ZNF676: variants seen among roughly 807,000 people sequenced by gnomAD.
ZNF676 encodes zinc finger protein 676.
Under a neutral mutation model 6.0 loss-of-function variants are expected in ZNF676, and 4 were observed. The observed-to-expected ratio is 0.67, with a 90% CI of 0.33 to 1.53. ZNF676 has a LOEUF of 1.53. ZNF676 is among the 40% of genes most tolerant of loss of function. The pLI is 0.06. For missense variants in ZNF676, 644 were observed against 679.7 expected, an observed-to-expected ratio of 0.95 and a Z score of 0.58; for synonymous variants, 198 against 223.1, an observed-to-expected ratio of 0.89 and a Z score of 1.00.
At chr19:22,222,858 A>G in the ZNF676 span, among the ~76,000 whole-genome samples, 11 of 152,192 alleles carry the variant, frequency 7.2e-5, 1 homozygote, top group Admixed American at 5.9e-4. Flanking sequence ...TCATCTGTAG[A>G]GCAGACACTA....
chr19:22,219,503 A>AT (rs1440633125), upstream of ZNF676, among the ~76,000 whole-genome samples: 3 of 152,010 alleles, frequency 2.0e-5, no homozygotes, highest in African/African-American at 7.2e-5. Context: ...GATTCTGTTT[A>AT]TTTTTTGCTT....
At chr19:22,209,581 C>T (rs2024110332) in intron 1 of ZNF676, among the ~76,000 whole-genome samples, 1 of 152,098 alleles carries the variant, frequency 6.6e-6, no homozygotes, top group South Asian at 2.1e-4. Context: ...AATCTCCACA[C>T]CAAACTCCCA....
chr19:22,234,481 T>C, the ZNF676 span, among the ~76,000 whole-genome samples: 46 of 152,142 alleles, frequency 3.0e-4, no homozygotes, highest in Non-Finnish European at 5.1e-4. Flanking sequence ...GTTAGATGGG[T>C]CAGAAAGCAC....
At chr19:22,208,304 T>A (rs2024096281) in intron 1 of ZNF676, among the ~76,000 whole-genome samples, 1 of 150,088 alleles carries the variant, frequency 6.7e-6, no homozygotes, top group South Asian at 2.1e-4. Flanking sequence ...AAAAAGATGT[T>A]TGTCTTCAAA....
At chr19:22,228,562 A>G in the ZNF676 span, among the ~76,000 whole-genome samples, 1 of 152,192 alleles carries the variant, frequency 6.6e-6, no homozygotes, top group Non-Finnish European at 1.5e-5. Flanking sequence ...AGGAAGTCAA[A>G]TTGTCTCTGT....
the ZNF676 span, among the ~76,000 whole-genome samples, chr19:22,230,287 G>C: frequency 6.6e-6 from 1 of 152,144 alleles, no homozygotes; most frequent in East Asian, 1.9e-4. Flanking sequence ...TCATAAGTGG[G>C]AGTTGAACAA....
intron 2 of ZNF676, among the ~76,000 whole-genome samples, chr19:22,189,033 A>AT (rs2023872353): frequency 1.3e-5 from 2 of 151,850 alleles, no homozygotes; most frequent in South Asian, 4.2e-4. Context: ...CAAAAAAAAA[A>AT]TCTCACATGG....
the ZNF676 span, among the ~76,000 whole-genome samples, chr19:22,222,243 T>C: frequency 6.6e-6 from 1 of 152,122 alleles, no homozygotes; most frequent in Non-Finnish European, 1.5e-5. Flanking sequence ...TAGCTGGGAC[T>C]GCAGGCACCT....
chr19:22,181,441 G>A lies in ZNF676; in HGVS notation c.276C>T (p.Asn92=), dbSNP rs199571340. ...KISCTNVDEC[N]VHKEGYNKLN... is the part of the protein sequence containing the mutation. ...GTTTATTATAACCTTCTTTGTGCAC[G>A]TTACACTCATCCACATTGGTACAAC... The change falls in exon 3 of 3, where the codon AAC becomes AAT. Residue 92 remains asparagine, a synonymous_variant. Transcript: ENST00000397121. The A allele has an allele frequency of 7.6e-5, 122 of 1,613,474 alleles. No individual in the cohort carries two copies. Among genetic ancestry groups the A allele is most frequent in the Middle Eastern group, 1.6e-4 (1 of 6,074 alleles).
rs750862652 is a variant in ZNF676 at position 22,183,343 on chromosome 19, A to AT, written c.131-1758dup. ...ACAGAATTTTAATAGATTTATTAAC[A>AT]TTTTTTCTTTTGAGACAAAGTTTTA... On this transcript the variant is annotated intron_variant, in intron 2 of 2. Transcript: ENST00000397121. 3.9e-5 allele frequency among the ~76,000 whole-genome samples: 6 copies of AT among 152,100 alleles called. No homozygotes were observed. In the South Asian group the frequency reaches 1.0e-3, roughly 26 times the overall value.
At chr19:22,202,022 C>T (rs2024030950) in intron 1 of ZNF676, among the ~76,000 whole-genome samples, 1 of 152,072 alleles carries the variant, frequency 6.6e-6, no homozygotes, top group Non-Finnish European at 1.5e-5. Context: ...AAAGGACTTG[C>T]ATTCCTCAGA....
At chr19:22,206,122 CA>C (rs2024074124) in intron 1 of ZNF676, among the ~76,000 whole-genome samples, 1 of 150,810 alleles carries the variant, frequency 6.6e-6, no homozygotes, top group Non-Finnish European at 1.5e-5. Context: ...TAGATAAGCT[CA>C]AAAAACTGAA....
At chr19:22,197,441 A>G (rs912884654), upstream of ZNF676, among the ~76,000 whole-genome samples, 5 of 151,302 alleles carry the variant, frequency 3.3e-5, 1 homozygote, top group Non-Finnish European at 7.4e-5. Context: ...AATGTGTGCA[A>G]TAAGCTAGAG....
rs2024174402 is a variant in ZNF676, at chr19:22,215,425, A to G, written c.3+207T>C. On this transcript the variant is annotated intron_variant, in intron 1 of 3. Transcript: ENST00000650058. Reference sequence around the variant, plus strand: ...AGCTGCCCCAAGAGGGCTCCAGGCCAGGGCACAATCACAGCGCAGGGAAGA... The same window carrying G: ...AGCTGCCCCAAGAGGGCTCCAGGCCGGGGCACAATCACAGCGCAGGGAAGA... 2.0e-5 allele frequency among the ~76,000 whole-genome samples: 3 copies of G among 152,306 alleles called. No individual in the cohort carries two copies. The South Asian group carries it at 6.2e-4, about 32-fold the overall frequency.
chr19:22,243,841 T>G, the ZNF676 span: 1 of 152,216 alleles, frequency 6.6e-6, no homozygotes, highest in Non-Finnish European at 1.5e-5. Context: ...ATTCCAACTT[T>G]GAACTGTGTC....
the ZNF676 span, among the ~76,000 whole-genome samples, chr19:22,231,361 C>T: frequency 4.0e-4 from 61 of 151,820 alleles, no homozygotes; most frequent in African/African-American, 1.4e-3. Context: ...ATTATTAAGT[C>T]TTTCTGTTTC....
At chr19:22,182,245 A>T (rs911411039) in intron 2 of ZNF676, among the ~76,000 whole-genome samples, 13 of 152,250 alleles carry the variant, frequency 8.5e-5, no homozygotes, top group African/African-American at 3.1e-4. Context: ...AGAGACCCAC[A>T]TAATCTCTAG....
At chr19:22,187,485 A>G (rs2023853970) in intron 2 of ZNF676, among the ~76,000 whole-genome samples, 1 of 152,084 alleles carries the variant, frequency 6.6e-6, no homozygotes, top group Admixed American at 6.6e-5. Flanking sequence ...TCAAATTCAA[A>G]CCCTAGCAGA....
intron 1 of ZNF676, among the ~76,000 whole-genome samples, chr19:22,205,169 T>C (rs1568534064): frequency 6.6e-6 from 1 of 152,094 alleles, no homozygotes; most frequent in Non-Finnish European, 1.5e-5. Flanking sequence ...AAGCAAATTA[T>C]TAGAGACCTA....
Sources: allele counts gnomAD v4.1 joint callset (sites outside exome capture counted in the v4.1 genomes callset), GRCh38; gene constraint gnomAD v4.1.1; transcripts MANE v1.5; gene names NCBI Gene and HGNC (gene_info 2026-07-23, HGNC 2026-07-21).